Variants in COG5 observed in about 807,000 individuals in gnomAD.
COG5 encodes component of oligomeric golgi complex 5, also known as conserved oligomeric Golgi complex subunit 5.
Under a neutral mutation model 110.4 loss-of-function variants are expected in COG5, and 86 were observed. That is an observed-to-expected ratio of 0.78 (90% CI 0.65 to 0.93). The LOEUF (loss-of-function observed/expected upper bound fraction) is 0.93, where lower values mean the gene tolerates loss of function less well. Ranked by LOEUF, COG5 falls within the 40% of genes least tolerant of loss-of-function variation. COG5 has a pLI of 0.00. For synonymous variants in COG5, 360 were observed against 334.6 expected (o/e 1.08, Z -0.83); for missense variants, 1,077 against 987.0 (o/e 1.09, Z -1.22).
At chr7:107,530,915 A>G (rs2129160093) in intron 5 of COG5, among the ~76,000 whole-genome samples, 1 of 152,286 alleles carries the variant, frequency 6.6e-6, no homozygotes, top group Non-Finnish European at 1.5e-5. Context: ...GGAACTTAGA[A>G]GCAACACACA....
intron 10 of COG5, among the ~76,000 whole-genome samples, chr7:107,350,850 T>G (rs1812074976): frequency 6.6e-6 from 1 of 152,194 alleles, no homozygotes; most frequent in African/African-American, 2.4e-5. Flanking sequence ...GATGTGGGTA[T>G]TTGACCTCAA....
chr7:107,475,360 TAGAGA>T (rs755480397), intron 6 of COG5: 17 of 1,407,890 alleles, frequency 1.2e-5, no homozygotes, highest in Non-Finnish European at 1.5e-5. Flanking sequence ...TGTCACAGAC[TAGAGA>T]AAAGTCTCAG....
intron 12 of COG5, among the ~76,000 whole-genome samples, chr7:107,285,284 G>A (rs1251553308): frequency 6.6e-6 from 1 of 152,126 alleles, no homozygotes; most frequent in Non-Finnish European, 1.5e-5. Flanking sequence ...GCAATCCTCT[G>A]TTGAAGTCCG....
chr7:107,334,613 C>T (rs1007576228), intron 10 of COG5, among the ~76,000 whole-genome samples: 1 of 151,712 alleles, frequency 6.6e-6, no homozygotes, highest in African/African-American at 2.4e-5. Flanking sequence ...ACCACACAGG[C>T]CAGGAGAGAG....
chr7:107,371,781 T>C (rs914377930), intron 8 of COG5, among the ~76,000 whole-genome samples: 2 of 152,098 alleles, frequency 1.3e-5, no homozygotes, highest in African/African-American at 4.8e-5. Context: ...ATTGTCAACC[T>C]GGTAGAAAGA....
At chr7:107,468,009 C>A (rs930357153) in intron 6 of COG5, among the ~76,000 whole-genome samples, 4 of 152,038 alleles carry the variant, frequency 2.6e-5, no homozygotes, top group African/African-American at 9.7e-5. Context: ...AAACAAAGCA[C>A]AAAAATATAC....
At chr7:107,384,383 G>C (rs1815387245) in intron 7 of COG5, among the ~76,000 whole-genome samples, 1 of 152,194 alleles carries the variant, frequency 6.6e-6, no homozygotes, top group South Asian at 2.1e-4. Context: ...CTGAGGTGGA[G>C]CCTCGGGAAG....
chr7:107,341,224 C>T (rs183633043), intron 10 of COG5, among the ~76,000 whole-genome samples: 107 of 152,150 alleles, frequency 7.0e-4, no homozygotes, highest in Middle Eastern at 3.4e-3. Flanking sequence ...CATTTCTATA[C>T]GACAATAATG....
At chr7:107,317,978 T>C (rs573971573) in intron 11 of COG5, among the ~76,000 whole-genome samples, 8 of 152,280 alleles carry the variant, frequency 5.3e-5, no homozygotes, top group African/African-American at 1.7e-4. Flanking sequence ...GAAGATATAA[T>C]GGTTAAAGGC....
chr7:107,219,084 T>A (rs1374875572), intron 19 of COG5, among the ~76,000 whole-genome samples: 2 of 152,090 alleles, frequency 1.3e-5, no homozygotes, highest in South Asian at 4.1e-4. Flanking sequence ...AACAGATATA[T>A]GAAAAAATGC....
At chr7:107,500,621 T>C (rs1798574990) in intron 6 of COG5, among the ~76,000 whole-genome samples, 1 of 152,228 alleles carries the variant, frequency 6.6e-6, no homozygotes, top group East Asian at 1.9e-4. Context: ...TTAGTTTTAA[T>C]ATAATTAATA....
At chr7:107,439,110 G>A (rs889956479) in intron 6 of COG5, among the ~76,000 whole-genome samples, 2 of 151,918 alleles carry the variant, frequency 1.3e-5, no homozygotes, top group South Asian at 2.1e-4. Context: ...GATCATTACC[G>A]TAAGGCCAAC....
rs115324597 is a variant in COG5, at chr7:107,363,631, C to G, written c.836-1211G>C. 5.4e-3 allele frequency among the ~76,000 whole-genome samples: 825 copies of G among 152,084 alleles called. 9 individuals are homozygous for G. The highest frequency in any genetic ancestry group is 0.019 in the African/African-American group (803 of 41,510). On this transcript the variant is annotated intron_variant, in intron 8 of 21. Coordinates refer to ENST00000297135, the MANE Select transcript of COG5 (RefSeq NM_006348.5). ...CTACTGGTTGCAAAGTTAATTAAGA[C>G]AAAGAGTATCGATGGATACCAAAAC...
At chr7:107,405,441 C>T (rs947355193) in intron 7 of COG5, among the ~76,000 whole-genome samples, 2 of 152,144 alleles carry the variant, frequency 1.3e-5, no homozygotes, top group African/African-American at 4.8e-5. Context: ...AGCCTGCTTC[C>T]CAAGAAGCTT....
chr7:107,309,689 T>C (rs1435225697), intron 11 of COG5, among the ~76,000 whole-genome samples: 1 of 151,998 alleles, frequency 6.6e-6, no homozygotes, highest in African/African-American at 2.4e-5. Context: ...AATGAAAGAG[T>C]TGGCTTTGTG....
At chr7:107,502,685 G>C (rs943079899) in intron 6 of COG5, among the ~76,000 whole-genome samples, 97 of 152,056 alleles carry the variant, frequency 6.4e-4, no homozygotes, top group African/African-American at 2.2e-3. Context: ...ATTGTATTTT[G>C]ACTTTCTAAT....
At chr7:107,497,739 T>C (rs935595993) in intron 6 of COG5, among the ~76,000 whole-genome samples, 1 of 152,100 alleles carries the variant, frequency 6.6e-6, no homozygotes, top group African/African-American at 2.4e-5. Flanking sequence ...ACAGATTCAA[T>C]GCAATCCCTA....
intron 6 of COG5, among the ~76,000 whole-genome samples, chr7:107,483,947 T>C (rs1450244237): frequency 6.6e-6 from 1 of 151,730 alleles, no homozygotes; most frequent in Admixed American, 6.6e-5. Flanking sequence ...CCAAAGAGTA[T>C]GTAATCCAAA....
chr7:107,216,343 C>T (rs1468668173), intron 19 of COG5, among the ~76,000 whole-genome samples: 2 of 152,172 alleles, frequency 1.3e-5, no homozygotes, highest in Non-Finnish European at 2.9e-5. Context: ...GGCAGATCAT[C>T]CAGATAGAAA....
Sources: gnomAD v4.1 joint callset for allele counts (sites outside exome capture counted in the v4.1 genomes callset) on GRCh38, gnomAD v4.1.1 for gene constraint, MANE v1.5 for transcripts, NCBI Gene and HGNC (gene_info 2026-07-23, HGNC 2026-07-21) for gene names.